The following PSMD1 variants were observed in gnomAD, a reference collection of about 807,000 sequenced individuals.
PSMD1 encodes proteasome 26S subunit, non-ATPase 1, also known as 26S proteasome non-ATPase regulatory subunit 1.
PSMD1 carries 18 observed loss-of-function variants against 119.0 expected under a neutral mutation model. The observed-to-expected ratio is 0.15, with a 90% CI of 0.10 to 0.22. PSMD1 has a LOEUF of 0.22. PSMD1 is among the 10% of genes least tolerant of loss of function. The pLI is 1.00. For synonymous variants in PSMD1, 374 were observed against 396.6 expected (o/e 0.94, Z 0.68); for missense variants, 702 against 1,158.5 (o/e 0.61, Z 5.72).
In PSMD1 at chr2:231,144,418, A is replaced by ATTTTTTTTTT. The variant is rs751682132; in HGVS notation, c.1999-1799_1999-1790dup. ...AGGCACCCGCCACCACGCCCAGCTAATTTTTTTTTTTTTTTTTTTTTTTTT... is the reference window on the plus strand; with the variant it reads ...AGGCACCCGCCACCACGCCCAGCTAATTTTTTTTTTTTTTTTTTTTTTTTTTTTTTTTTTT... On this transcript the variant is annotated intron_variant, in intron 17 of 24. Coordinates refer to ENST00000308696, the MANE Select transcript of PSMD1 (RefSeq NM_002807.4). Among the ~76,000 whole-genome samples, 216 of 75,210 alleles carry ATTTTTTTTTT rather than the reference A, an allele frequency of 2.9e-3. 2 individuals are homozygous for ATTTTTTTTTT. The highest frequency in any genetic ancestry group is 5.9e-3 in the East Asian group (13 of 2,212). 49.3% of individuals were successfully genotyped at this position (75,210 alleles called of 152,430 possible).
intron 16 of PSMD1, among the ~76,000 whole-genome samples, chr2:231,096,782 A>G (rs1371017055): frequency 1.3e-5 from 2 of 152,202 alleles, no homozygotes; most frequent in African/African-American, 4.8e-5. Context: ...CCTATTGGCT[A>G]GGGTTAGACC....
chr2:231,133,305 G>A (rs1695892947), intron 16 of PSMD1, among the ~76,000 whole-genome samples: 2 of 152,070 alleles, frequency 1.3e-5, no homozygotes, highest in African/African-American at 2.4e-5. Context: ...GGCTAGTCAC[G>A]AAATCCTGGA....
At chr2:231,065,035 T>C (rs1693867012) in intron 4 of PSMD1, among the ~76,000 whole-genome samples, 1 of 150,482 alleles carries the variant, frequency 6.6e-6, no homozygotes, top group Non-Finnish European at 1.5e-5. Flanking sequence ...TTCCAATTTA[T>C]AAAAGTCCTC....
chr2:231,084,933 C>T (rs1694395231), intron 14 of PSMD1, 86 bp from the exon 15 acceptor site: 2 of 1,055,478 alleles, frequency 1.9e-6, no homozygotes, highest in African/African-American at 1.6e-5. Flanking sequence ...GACCAGCTTA[C>T]TTGGTGGATG....
intron 19 of PSMD1, among the ~76,000 whole-genome samples, chr2:231,156,392 G>A (rs1019596771): frequency 1.3e-5 from 2 of 152,026 alleles, no homozygotes; most frequent in East Asian, 1.9e-4. Context: ...CACTCTTTAT[G>A]TTGTACATTT....
intron 17 of PSMD1, among the ~76,000 whole-genome samples, chr2:231,145,202 G>A (rs113161078): frequency 3.9e-5 from 6 of 152,306 alleles, no homozygotes; most frequent in African/African-American, 9.6e-5. Flanking sequence ...TGGCAGTTCC[G>A]TGAATGTACA....
intron 16 of PSMD1, among the ~76,000 whole-genome samples, chr2:231,128,307 T>G (rs1695772509): frequency 6.6e-6 from 1 of 152,244 alleles, no homozygotes; most frequent in Non-Finnish European, 1.5e-5. Context: ...AGTATATTGG[T>G]AACTATAGTA....
In PSMD1 at chr2:231,113,998, A is replaced by C. The variant is rs367861163; in HGVS notation, c.1884-24738A>C. On this transcript the variant is annotated intron_variant, in intron 16 of 24. Transcript: ENST00000308696. ...GGCAACTTTCAGTCTACAGTTTTTC[A>C]GGTGATACATCTTTTGTCTTTTTTG... 66 of 1,224,752 alleles carry C rather than the reference A, an allele frequency of 5.4e-5. No individual in the cohort carries two copies. In the African/African-American group the frequency reaches 8.7e-4, roughly 16 times the overall value. The allele number at this position is 1,224,752 out of a possible 1,614,324, so 75.9% of individuals were successfully genotyped here.
chr2:231,098,907 C>T (rs545237263), intron 16 of PSMD1, among the ~76,000 whole-genome samples: 15 of 152,050 alleles, frequency 9.9e-5, no homozygotes, highest in Non-Finnish European at 1.8e-4. Context: ...GAAAGAAAGT[C>T]GGGGCTGATC....
At chr2:231,116,195 G>C (rs1450229279) in intron 16 of PSMD1, among the ~76,000 whole-genome samples, 1 of 152,138 alleles carries the variant, frequency 6.6e-6, no homozygotes, top group Non-Finnish European at 1.5e-5. Flanking sequence ...GCTTCAAAGC[G>C]AACTAACAGT....
intron 9 of PSMD1, among the ~76,000 whole-genome samples, chr2:231,078,311 G>A (rs1452460401): frequency 6.6e-6 from 1 of 152,168 alleles, no homozygotes; most frequent in Non-Finnish European, 1.5e-5. Context: ...TGTCAGAGGT[G>A]CAGCACTGCT....
In PSMD1 at chr2:231,170,809, T is replaced by G; in HGVS notation, c.*9+88T>G. On this transcript the variant is annotated intron_variant, in intron 24 of 24. Coordinates refer to ENST00000308696, the MANE Select transcript of PSMD1 (RefSeq NM_002807.4). This position sits in a 1 kb window ranked among gnomAD's most constrained non-coding sequence, Gnocchi z 4.1. The stretch of plus-strand genomic sequence containing the variant: ...CAAGGACATCATCTCACGTTTTTCC[T>G]TCCTTTTGTGTTTAATCCTTATTTA... 1 of 1,366,218 alleles carries G rather than the reference T, an allele frequency of 7.3e-7. No individual in the cohort carries two copies. Among genetic ancestry groups the G allele is most frequent in the Non-Finnish European group, 9.8e-7 (1 of 1,019,028 alleles). The allele number at this position is 1,366,218 out of a possible 1,614,324, so 84.6% of individuals were successfully genotyped here. A position where few individuals can be genotyped will look rare whatever the true frequency, so the allele number is the denominator to read the frequency against.
At chr2:231,110,370 T>C (rs922523323) in intron 16 of PSMD1, among the ~76,000 whole-genome samples, 2 of 152,174 alleles carry the variant, frequency 1.3e-5, no homozygotes, top group African/African-American at 4.8e-5. Context: ...TCATGTTAGT[T>C]TTCTGATCTT....
At chr2:231,113,657 A>ACCTG (rs1244741215) in intron 16 of PSMD1, 9 of 1,326,134 alleles carry the variant, frequency 6.8e-6, no homozygotes, top group African/African-American at 5.8e-5. Flanking sequence ...TGCCTACCAG[A>ACCTG]CCTGGTATTC....
chr2:231,109,080 T>A, intron 16 of PSMD1: 1 of 1,614,256 alleles, frequency 6.2e-7, no homozygotes, highest in Non-Finnish European at 8.5e-7. Context: ...TCACCTGAGT[T>A]GGGCAGAGCC....
intron 16 of PSMD1, among the ~76,000 whole-genome samples, chr2:231,115,190 C>CA (rs779451668): frequency 0.016 from 2,050 of 124,538 alleles, 51 homozygotes; most frequent in African/African-American, 0.056. Context: ...AATCTCAGAC[C>CA]AAAAAAAAAA....
intron 16 of PSMD1, among the ~76,000 whole-genome samples, chr2:231,137,516 C>A (rs773153390): frequency 3.3e-5 from 5 of 152,024 alleles, no homozygotes; most frequent in Non-Finnish European, 5.9e-5. Context: ...AGGAAAGAGC[C>A]TAGTTTCTTT....
chr2:231,150,016 G>C (rs568452333), intron 18 of PSMD1, among the ~76,000 whole-genome samples: 5 of 152,240 alleles, frequency 3.3e-5, no homozygotes, highest in African/African-American at 1.2e-4. Context: ...AAAAAAATTA[G>C]ACGCTAAATA....
chr2:231,164,114 A>G, intron 21 of PSMD1, among the ~76,000 whole-genome samples: 1 of 152,100 alleles, frequency 6.6e-6, no homozygotes, highest in Non-Finnish European at 1.5e-5. Flanking sequence ...TATGTGTAGT[A>G]CTGTTTGTTT....
Sources: gnomAD v4.1 joint callset for allele counts (sites outside exome capture counted in the v4.1 genomes callset) on GRCh38, gnomAD v4.1.1 for gene constraint, Gnocchi (gnomAD v3.1) non-coding constraint, MANE v1.5 for transcripts, NCBI Gene and HGNC (gene_info 2026-07-23, HGNC 2026-07-21) for gene names.